The following KIF26B variants were observed in gnomAD, a reference collection of about 807,000 sequenced individuals.
The protein encoded by KIF26B is kinesin family member 26B.
A neutral mutation model predicts 151.2 loss-of-function variants in KIF26B; 63 were observed. The observed-to-expected ratio is 0.42, with a 90% CI of 0.34 to 0.51. The LOEUF is 0.51. Ranked by LOEUF, KIF26B falls within the 20% of genes least tolerant of loss-of-function variation. The pLI is 0.07. For missense variants in KIF26B, 2,813 were observed against 2,913.6 expected (o/e 0.97, Z 0.79); for synonymous variants, 1,357 against 1,262.1 (o/e 1.08, Z -1.59).
intron 9 of KIF26B, among the ~76,000 whole-genome samples, chr1:245,616,755 G>T (rs2043595010): frequency 6.6e-6 from 1 of 152,168 alleles, no homozygotes; most frequent in African/African-American, 2.4e-5. Flanking sequence ...TTGGATTTCA[G>T]ATTTTTTGGG....
intron 9 of KIF26B, among the ~76,000 whole-genome samples, chr1:245,639,031 A>G (rs992481611): frequency 6.6e-6 from 1 of 151,950 alleles, no homozygotes; most frequent in African/African-American, 2.4e-5. Context: ...ATTGTTAAAA[A>G]TAGTTTGAGT....
rs1265128572 is a variant in KIF26B at position 245,318,465 on chromosome 1, A to C, written c.466-48369A>C. ...GAGGGGCTTCTTTGCCCTGAGGAAT[A>C]TACAAGTTGATAGGGCTACTTGCCT... On this transcript the variant is annotated intron_variant, in intron 2 of 14. Transcript: ENST00000407071. This position sits in a 1 kb window ranked among gnomAD's most constrained non-coding sequence, Gnocchi z 4.0. Among the ~76,000 whole-genome samples the C allele has an allele frequency of 1.3e-5, 2 of 152,176 alleles. No individual in the cohort carries two copies. Among genetic ancestry groups the C allele is most frequent in the Non-Finnish European group, 2.9e-5 (2 of 68,036 alleles).
chr1:245,295,186 T>C (rs1189177493), intron 2 of KIF26B, among the ~76,000 whole-genome samples: 1 of 152,208 alleles, frequency 6.6e-6, no homozygotes, highest in Non-Finnish European at 1.5e-5. Flanking sequence ...TTTTCAAACA[T>C]TCGATATAAC....
rs1336903510 is a variant in KIF26B, at chr1:245,352,918, CTT to C, written c.466-13913_466-13912del. On this transcript the variant is annotated intron_variant, in intron 2 of 14. Transcript: ENST00000407071. This position sits in a 1 kb window ranked among gnomAD's most constrained non-coding sequence, Gnocchi z 5.0. ...TGAGAAGTGGCTCTCTTGCTATAGA[CTT>C]TTGCTTTTTACTCTTTTCCACTGAG... Among the ~76,000 whole-genome samples the C allele has an allele frequency of 3.9e-5, 6 of 151,988 alleles. No individual in the cohort carries two copies. Among genetic ancestry groups the C allele is most frequent in the Non-Finnish European group, 7.4e-5 (5 of 68,012 alleles).
chr1:245,406,938 C>T (rs1310548317), intron 3 of KIF26B, among the ~76,000 whole-genome samples: 2 of 152,026 alleles, frequency 1.3e-5, no homozygotes, highest in Non-Finnish European at 2.9e-5. Flanking sequence ...CAGGTGCGCA[C>T]CACCACGCCT....
Position 245,254,004 on chromosome 1 carries a change from G to T in KIF26B, c.465+97321G>T, listed in dbSNP as rs1047751840. On this transcript the variant is annotated intron_variant, in intron 2 of 14. Transcript: ENST00000407071. ...TTTTTGTATTTTTAGTAGAGATGGGGTTTCACCGTGTTAGCCAGGATGGTC... is the reference window on the plus strand; with the variant it reads ...TTTTTGTATTTTTAGTAGAGATGGGTTTTCACCGTGTTAGCCAGGATGGTC... Among the ~76,000 whole-genome samples the T allele has an allele frequency of 3.3e-5, 5 of 151,642 alleles. 1 individual carries two copies. The highest frequency in any genetic ancestry group is 9.7e-5 in the African/African-American group (4 of 41,288).
chr1:245,156,329 G>A lies in KIF26B; in HGVS notation c.111G>A (p.Pro37=). 2 of 1,547,472 alleles carry A rather than the reference G, an allele frequency of 1.3e-6. No individual in the cohort carries two copies. Among genetic ancestry groups the A allele is most frequent in the Non-Finnish European group, 1.7e-6 (2 of 1,145,890 alleles). The change falls in exon 2 of 15, where the codon CCG becomes CCA. Residue 37 remains proline (P), a synonymous_variant. Transcript: ENST00000407071. ...CCAAGCCCGCAGCGCCCTTCTCCCC[G>A]GAAAGCTGGTACCGGAAAGCATACG... ...SPTKPAAPFS[P]ESWYRKAYEE...
At chr1:245,305,024 A>G (rs1671510307) in intron 2 of KIF26B, among the ~76,000 whole-genome samples, 1 of 152,190 alleles carries the variant, frequency 6.6e-6, no homozygotes, top group South Asian at 2.1e-4. Context: ...GAGGAAAAAG[A>G]TACAGAGCCA....
At chr1:245,340,387 C>T (rs1198047974) in intron 2 of KIF26B, among the ~76,000 whole-genome samples, 21 of 151,708 alleles carry the variant, frequency 1.4e-4, no homozygotes, top group Admixed American at 1.2e-3. Context: ...TAAGTACAGA[C>T]GCAACCATCC....
intron 2 of KIF26B, among the ~76,000 whole-genome samples, chr1:245,193,879 A>G (rs1349783843): frequency 6.6e-6 from 1 of 152,250 alleles, no homozygotes; most frequent in Admixed American, 6.5e-5. Flanking sequence ...AATCAATGGC[A>G]GAGAAAGATT....
intron 5 of KIF26B, among the ~76,000 whole-genome samples, chr1:245,553,556 T>C (rs1183315502): frequency 6.6e-6 from 1 of 152,186 alleles, no homozygotes; most frequent in East Asian, 1.9e-4. Context: ...TGGATTTTTA[T>C]ATATGGATTG....
intron 4 of KIF26B, among the ~76,000 whole-genome samples, chr1:245,451,345 A>G (rs1179315483): frequency 6.6e-6 from 1 of 152,078 alleles, no homozygotes; most frequent in Non-Finnish European, 1.5e-5. Flanking sequence ...CCTTTACCCA[A>G]TAATTACTTA....
rs147216507 is a variant in KIF26B, at chr1:245,375,373, G to A, written c.999+8006G>A. On this transcript the variant is annotated intron_variant, in intron 3 of 14. Transcript: ENST00000407071. This position sits in a 1 kb window ranked among gnomAD's most constrained non-coding sequence, Gnocchi z 4.2. ...ATTACAGGTATGAACCACCACATCCGGCCAAGGAGATCATTTTAGACTATC... is the reference window on the plus strand; with the variant it reads ...ATTACAGGTATGAACCACCACATCCAGCCAAGGAGATCATTTTAGACTATC... Among the ~76,000 whole-genome samples the A allele has an allele frequency of 3.4e-4, 52 of 152,186 alleles. No homozygotes were observed. In the East Asian group the frequency reaches 0.01, roughly 30 times the overall value.
intron 4 of KIF26B, among the ~76,000 whole-genome samples, chr1:245,535,745 C>T (rs1180778755): frequency 6.6e-6 from 1 of 152,190 alleles, no homozygotes; most frequent in Non-Finnish European, 1.5e-5. Flanking sequence ...GGTTTAACCC[C>T]TATTCAGATA....
In KIF26B at chr1:245,354,106, C is replaced by T. The variant is rs867565000; in HGVS notation, c.466-12728C>T. On this transcript the variant is annotated intron_variant, in intron 2 of 14. Coordinates refer to ENST00000407071, the MANE Select transcript of KIF26B (RefSeq NM_018012.4). ...GCACCTCCCGCCAAACGCTTCATGA[C>T]TCCCCCACCAAGCACATCCTGGCAC... Among the ~76,000 whole-genome samples, 4 of 152,190 alleles carry T rather than the reference C, an allele frequency of 2.6e-5. No homozygotes were observed. In the South Asian group the frequency reaches 8.3e-4, roughly 32 times the overall value.
chr1:245,280,236 G>T (rs1000078190), intron 2 of KIF26B, among the ~76,000 whole-genome samples: 1 of 151,910 alleles, frequency 6.6e-6, no homozygotes, highest in South Asian at 2.1e-4. Context: ...TATTTTGGCC[G>T]GGTGCGGTGG....
At chr1:245,548,744 A>C (rs1230845878) in intron 5 of KIF26B, among the ~76,000 whole-genome samples, 1 of 108,570 alleles carries the variant, frequency 9.2e-6, no homozygotes, top group African/African-American at 3.2e-5. Flanking sequence ...CCATTTTGCA[A>C]CTTTTTTTTT....
At chr1:245,552,656 A>C (rs1440613286) in intron 5 of KIF26B, among the ~76,000 whole-genome samples, 2 of 142,130 alleles carry the variant, frequency 1.4e-5, no homozygotes, top group Non-Finnish European at 3.0e-5. Flanking sequence ...TCTGTCGCCC[A>C]GGCTGGAGTG....
intron 5 of KIF26B, among the ~76,000 whole-genome samples, chr1:245,585,638 A>G (rs1199505103): frequency 6.6e-6 from 1 of 152,196 alleles, no homozygotes; most frequent in Non-Finnish European, 1.5e-5. Flanking sequence ...ATTTATGTAT[A>G]TTACTGTAAA....
Sources: gnomAD v4.1 joint callset for allele counts (sites outside exome capture counted in the v4.1 genomes callset) on GRCh38, gnomAD v4.1.1 for gene constraint, Gnocchi (gnomAD v3.1) non-coding constraint, MANE v1.5 for transcripts, NCBI Gene and HGNC (gene_info 2026-07-23, HGNC 2026-07-21) for gene names.